Variants in TMEM74 observed in about 807,000 individuals in gnomAD.
TMEM74 encodes the protein transmembrane protein 74.
TMEM74 carries 13 observed loss-of-function variants against 18.1 expected under a neutral mutation model. That is an observed-to-expected ratio of 0.72 (90% CI 0.47 to 1.14). The LOEUF is 1.14. Among genes scored for constraint, TMEM74 ranks in the 50% most tolerant of loss-of-function variants. The pLI, the probability that TMEM74 is intolerant of heterozygous loss-of-function variation, is 0.00. For synonymous variants in TMEM74, 159 were observed against 146.6 expected (o/e 1.08, Z -0.61); for missense variants, 372 against 375.9 (o/e 0.99, Z 0.09).
intron 1 of TMEM74, among the ~76,000 whole-genome samples, chr8:108,764,209 C>A (rs1451136044): frequency 6.6e-6 from 1 of 152,058 alleles, no homozygotes; most frequent in Non-Finnish European, 1.5e-5. Context: ...AATGGCATAC[C>A]AACTGCAAGC....
chr8:108,668,177 A>G (rs1464005075), intron 1 of TMEM74, among the ~76,000 whole-genome samples: 1 of 152,170 alleles, frequency 6.6e-6, no homozygotes, highest in African/African-American at 2.4e-5. Context: ...TCAACCAGCC[A>G]TCTCCTCAGT....
chr8:108,745,350 C>T (rs1813838778), intron 1 of TMEM74, among the ~76,000 whole-genome samples: 1 of 152,148 alleles, frequency 6.6e-6, no homozygotes, highest in African/African-American at 2.4e-5. Flanking sequence ...ATAGACAATA[C>T]ATGAACAAGT....
At chr8:108,668,716 C>T (rs569647866) in intron 1 of TMEM74, among the ~76,000 whole-genome samples, 1 of 152,140 alleles carries the variant, frequency 6.6e-6, no homozygotes, top group Admixed American at 6.6e-5. Flanking sequence ...GTTATGTTAA[C>T]AGCACCTGAT....
chr8:108,656,237 A>G (rs1399408769), intron 1 of TMEM74, among the ~76,000 whole-genome samples: 1 of 152,118 alleles, frequency 6.6e-6, no homozygotes, highest in Non-Finnish European at 1.5e-5. Flanking sequence ...GCTCTAGTGG[A>G]CCATATGGAA....
chr8:108,708,253 C>T (rs2130621052), intron 1 of TMEM74, among the ~76,000 whole-genome samples: 1 of 120,130 alleles, frequency 8.3e-6, no homozygotes, highest in South Asian at 2.6e-4. Context: ...ATATGTAACA[C>T]CTTTTTTTTT....
downstream of TMEM74, among the ~76,000 whole-genome samples, chr8:108,776,934 A>G (rs564067515): frequency 2.0e-5 from 3 of 152,318 alleles, no homozygotes; most frequent in East Asian, 5.8e-4. Context: ...ATCAGCCGAT[A>G]ATCAACATGA....
rs551813104 is a variant in TMEM74 at position 108,679,342 on chromosome 8, G to T, written n.120-23905C>A. ...CTCCACATTGAATTCCACAAGGGCTGAACTAGTTTACAGTCCCACCAACAG... is the reference window on the plus strand; with the variant it reads ...CTCCACATTGAATTCCACAAGGGCTTAACTAGTTTACAGTCCCACCAACAG... On this transcript the variant is annotated intron_variant and non_coding_transcript_variant, in intron 1 of 3. Transcript: ENST00000518838. 2.6e-5 allele frequency among the ~76,000 whole-genome samples: 4 copies of T among 152,282 alleles called. No homozygotes were observed. The South Asian group carries it at 8.3e-4, about 32-fold the overall frequency.
Position 108,784,730 on chromosome 8 carries a change from C to T in TMEM74, c.369G>A (p.Arg123=). 1 of 1,614,170 alleles carries T rather than the reference C, an allele frequency of 6.2e-7. No individual in the cohort carries two copies. Among genetic ancestry groups the T allele is most frequent in the East Asian group, 2.2e-5 (1 of 44,882 alleles). The change falls in exon 2 of 2, where the codon CGG becomes CGA. Residue 123 remains arginine, a synonymous_variant. Coordinates refer to ENST00000297459, the MANE Select transcript of TMEM74 (RefSeq NM_153015.3). ...CTTTTGCTGATGGCGAGCTCCGGTT[C>T]CGCTGCTCCAAGTTGATGTTTTTGT... The part of the protein sequence containing the change: ...YVDKNINLEQ[R]NRSSPSAKGH...
intron 1 of TMEM74, among the ~76,000 whole-genome samples, chr8:108,704,305 T>C (rs1813369656): frequency 6.6e-6 from 1 of 152,242 alleles, no homozygotes; most frequent in South Asian, 2.1e-4. Context: ...TTTCCCCTCA[T>C]TTTTCATCCT....
intron 1 of TMEM74, among the ~76,000 whole-genome samples, chr8:108,667,131 G>A (rs1812957019): frequency 6.6e-6 from 1 of 152,052 alleles, no homozygotes; most frequent in Non-Finnish European, 1.5e-5. Context: ...TTTCGAAGTG[G>A]CCAGGGTCAC....
chr8:108,730,991 T>C (rs934233224), intron 1 of TMEM74, among the ~76,000 whole-genome samples: 1 of 152,182 alleles, frequency 6.6e-6, no homozygotes, highest in African/African-American at 2.4e-5. Flanking sequence ...GTTTTGACCC[T>C]AATTAATGGT....
intron 1 of TMEM74, among the ~76,000 whole-genome samples, chr8:108,744,182 A>G (rs1586281363): frequency 6.6e-6 from 1 of 152,312 alleles, no homozygotes; most frequent in Admixed American, 6.5e-5. Context: ...TTTGGTGTCG[A>G]TCTGACGTCA....
At chr8:108,657,837 C>T (rs1288746562) in intron 1 of TMEM74, among the ~76,000 whole-genome samples, 1 of 48,792 alleles carries the variant, frequency 2.0e-5, no homozygotes. Context: ...AGTGAGACAC[C>T]GTCTCAAAAA....
intron 2 of TMEM74, among the ~76,000 whole-genome samples, chr8:108,642,978 C>T (rs530026712): frequency 1.3e-5 from 2 of 152,224 alleles, no homozygotes; most frequent in South Asian, 2.1e-4. Context: ...ACTCAACAAA[C>T]ATTTATGAGC....
At chr8:108,752,762 C>T (rs780411070) in intron 1 of TMEM74, among the ~76,000 whole-genome samples, 1 of 152,116 alleles carries the variant, frequency 6.6e-6, no homozygotes, top group Non-Finnish European at 1.5e-5. Flanking sequence ...TGTTCTTACA[C>T]TTTTGTAAGC....
At chr8:108,607,284 A>G (rs1812285715) in exon 4 of TMEM74, 1 of 152,202 alleles carries the variant, frequency 6.6e-6, no homozygotes, top group Non-Finnish European at 1.5e-5. Flanking sequence ...TCCCCTTTGA[A>G]AAATATAATC....
chr8:108,750,671 G>A (rs1253174722), intron 1 of TMEM74, among the ~76,000 whole-genome samples: 1 of 152,072 alleles, frequency 6.6e-6, no homozygotes, highest in Non-Finnish European at 1.5e-5. Context: ...TGATGTTCTG[G>A]GGTGTTCTGA....
At chr8:108,669,433 A>C (rs1387204710) in intron 1 of TMEM74, among the ~76,000 whole-genome samples, 1 of 152,102 alleles carries the variant, frequency 6.6e-6, no homozygotes, top group Non-Finnish European at 1.5e-5. Context: ...TTCACCTTCT[A>C]TTCTGGGCTG....
intron 1 of TMEM74, among the ~76,000 whole-genome samples, chr8:108,679,558 G>GT (rs1283666339): frequency 1.1e-4 from 16 of 152,180 alleles, no homozygotes; most frequent in Admixed American, 1.0e-3. Flanking sequence ...TTTGAGAAGT[G>GT]TCTGTTCATA....
Sources: allele counts gnomAD v4.1 joint callset (sites outside exome capture counted in the v4.1 genomes callset), GRCh38; gene constraint gnomAD v4.1.1; transcripts MANE v1.5; gene names NCBI Gene and HGNC (gene_info 2026-07-23, HGNC 2026-07-21).